ZNF365: variants seen among roughly 807,000 people sequenced by gnomAD.
ZNF365 encodes the protein zinc finger protein 365, also known as protein ZNF365.
A neutral mutation model predicts 35.0 loss-of-function variants in ZNF365; 22 were observed. That is an observed-to-expected ratio of 0.63 (90% CI 0.45 to 0.90). The LOEUF (loss-of-function observed/expected upper bound fraction) is 0.90, where lower values mean the gene tolerates loss of function less well. Ranked by LOEUF, ZNF365 falls within the 40% of genes least tolerant of loss-of-function variation. The pLI, the probability that ZNF365 is intolerant of heterozygous loss-of-function variation, is 0.00. For missense variants in ZNF365, 448 were observed against 500.3 expected (o/e 0.90, Z 1.00); for synonymous variants, 188 against 196.2 (o/e 0.96, Z 0.35).
chr10:62,409,175 AG>A (rs1435100219), intron 3 of ZNF365, among the ~76,000 whole-genome samples: 1 of 152,178 alleles, frequency 6.6e-6, no homozygotes, highest in African/African-American at 2.4e-5. Flanking sequence ...ATTAACTTAA[AG>A]AGGTAGGATG....
rs1471547788 is a variant in ZNF365, at chr10:62,374,428, G to C, written c.-44G>C. 9.8e-6 allele frequency: 1 copy of C among 102,540 alleles called. No homozygotes were observed. The highest frequency in any genetic ancestry group is 2.4e-5 in the Non-Finnish European group (1 of 41,046). The allele number at this position is 102,540 out of a possible 1,614,324, so 6.4% of individuals were successfully genotyped here. A position where few individuals can be genotyped will look rare whatever the true frequency, so the allele number is the denominator to read the frequency against. Reference sequence around the variant, plus strand: ...CTCCCGCAGCATCAGCACCGGAGGCGGCGGCTGCAGCAGCAGCAGCAACAA... The same window carrying C: ...CTCCCGCAGCATCAGCACCGGAGGCCGCGGCTGCAGCAGCAGCAGCAACAA... On this transcript the variant is annotated 5_prime_UTR_variant, in exon 1 of 5. Coordinates refer to ENST00000395254, the MANE Select transcript of ZNF365 (RefSeq NM_014951.3).
chr10:62,429,586 G>A (rs889296285), intron 3 of ZNF365, among the ~76,000 whole-genome samples: 6 of 152,168 alleles, frequency 3.9e-5, no homozygotes, highest in Admixed American at 6.6e-5. Flanking sequence ...TGTTGTTGCT[G>A]TAGGGGATGG....
downstream of ZNF365, among the ~76,000 whole-genome samples, chr10:62,406,521 A>G (rs144048708): frequency 2.1e-3 from 314 of 152,256 alleles, no homozygotes; most frequent in African/African-American, 7.3e-3. Flanking sequence ...AGTACCCAGC[A>G]TAGGGTGGGT....
intron 4 of ZNF365, among the ~76,000 whole-genome samples, chr10:62,462,419 C>G (rs1241551459): frequency 6.6e-6 from 1 of 152,288 alleles, no homozygotes; most frequent in Non-Finnish European, 1.5e-5. Flanking sequence ...ATAAGTGTAC[C>G]CCTCAGAAGG....
chr10:62,449,365 G>C (rs994801503), intron 3 of ZNF365, among the ~76,000 whole-genome samples: 11 of 152,172 alleles, frequency 7.2e-5, no homozygotes, highest in African/African-American at 1.7e-4. Context: ...TCCAGTGTGG[G>C]TGTCCAAGTT....
chr10:62,393,407 A>G (rs146668737), intron 3 of ZNF365, among the ~76,000 whole-genome samples: 148 of 152,394 alleles, frequency 9.7e-4, no homozygotes, highest in African/African-American at 3.3e-3. Context: ...TGTTTACACC[A>G]GCATCACCAC....
chr10:62,377,550 A>G (rs1210626785), intron 2 of ZNF365, among the ~76,000 whole-genome samples: 3 of 147,908 alleles, frequency 2.0e-5, no homozygotes, highest in Non-Finnish European at 4.4e-5. Context: ...TTGAGACTTG[A>G]CTTTTTGGCA....
At chr10:62,452,176 A>G (rs1840693585) in intron 3 of ZNF365, among the ~76,000 whole-genome samples, 1 of 152,150 alleles carries the variant, frequency 6.6e-6, no homozygotes, top group Admixed American at 6.5e-5. Flanking sequence ...GAGTAGAAGG[A>G]AGTTAATTAA....
At chr10:62,428,694 G>T (rs1395369415) in intron 3 of ZNF365, among the ~76,000 whole-genome samples, 1 of 152,188 alleles carries the variant, frequency 6.6e-6, no homozygotes, top group Non-Finnish European at 1.5e-5. Flanking sequence ...AAGGCTGGAG[G>T]GGGGCATCTA....
At chr10:62,432,917 A>T (rs1840355553) in intron 3 of ZNF365, among the ~76,000 whole-genome samples, 1 of 152,172 alleles carries the variant, frequency 6.6e-6, no homozygotes, top group Non-Finnish European at 1.5e-5. Context: ...GTACATGGAG[A>T]TCTTTCCCAG....
chr10:62,406,891 C>A (rs1839912993), downstream of ZNF365, among the ~76,000 whole-genome samples: 3 of 152,200 alleles, frequency 2.0e-5, no homozygotes, highest in South Asian at 6.2e-4. Flanking sequence ...GATGCTCCAG[C>A]ACCTAGCACT....
intron 3 of ZNF365, among the ~76,000 whole-genome samples, chr10:62,391,014 C>T (rs2893898): frequency 0.32 from 47,529 of 150,076 alleles, 7,716 homozygotes; most frequent in African/African-American, 0.39. Context: ...TTACTGTACA[C>T]TACTGTAGAC....
rs1839646329 is a variant in ZNF365, at chr10:62,392,426, G to T, written c.924+3850G>T. ...GAGTTGATTTTAGTATAAGGTGAGA[G>T]ATGAAGATCCAGTTTCATTCTTCTA... On this transcript the variant is annotated intron_variant, in intron 3 of 4. Coordinates refer to ENST00000395254, the MANE Select transcript of ZNF365 (RefSeq NM_014951.3). 2.0e-5 allele frequency among the ~76,000 whole-genome samples: 3 copies of T among 152,198 alleles called. No individual in the cohort carries two copies. The South Asian group carries it at 6.2e-4, about 31-fold the overall frequency.
At chr10:62,383,653 T>C in intron 2 of ZNF365, among the ~76,000 whole-genome samples, 1 of 152,266 alleles carries the variant, frequency 6.6e-6, no homozygotes, top group East Asian at 1.9e-4. Context: ...CCACAGTGCG[T>C]GAACGCATAT....
At chr10:62,473,316 T>A (rs1033495697) in intron 4 of ZNF365, among the ~76,000 whole-genome samples, 2 of 152,178 alleles carry the variant, frequency 1.3e-5, no homozygotes, top group African/African-American at 4.8e-5. Context: ...CTGGGCAAAG[T>A]TGGGGAGATT....
intron 4 of ZNF365, chr10:62,479,823 C>T: frequency 8.0e-7 from 1 of 1,244,868 alleles, no homozygotes; most frequent in Non-Finnish European, 1.2e-6. Context: ...TTGTTGCTGG[C>T]ACCTAGATAC....
chr10:62,380,172 G>C (rs2132409749), intron 2 of ZNF365, among the ~76,000 whole-genome samples: 1 of 152,330 alleles, frequency 6.6e-6, no homozygotes, highest in South Asian at 2.1e-4. Context: ...TCATAGCAGA[G>C]GAGGTTGTTT....
At chr10:62,437,692 A>G (rs1050839697) in intron 3 of ZNF365, among the ~76,000 whole-genome samples, 5 of 152,196 alleles carry the variant, frequency 3.3e-5, no homozygotes, top group African/African-American at 1.2e-4. Flanking sequence ...AGTATATGCA[A>G]TTTAAAGGTT....
chr10:62,440,330 T>C (rs1840478736), intron 3 of ZNF365, among the ~76,000 whole-genome samples: 2 of 151,144 alleles, frequency 1.3e-5, no homozygotes, highest in South Asian at 4.2e-4. Context: ...GGGTTTTTTC[T>C]ACATATTACT....
Sources: allele counts gnomAD v4.1 joint callset (sites outside exome capture counted in the v4.1 genomes callset), GRCh38; gene constraint gnomAD v4.1.1; transcripts MANE v1.5; gene names NCBI Gene and HGNC (gene_info 2026-07-23, HGNC 2026-07-21).